The following KCNH4 variants were observed in gnomAD, a reference collection of about 807,000 sequenced individuals.
The protein encoded by KCNH4 is potassium voltage-gated channel subfamily H member 4, also known as voltage-gated delayed rectifier potassium channel KCNH4.
A neutral mutation model predicts 90.7 loss-of-function variants in KCNH4; 33 were observed. The observed-to-expected ratio is 0.36, with a 90% CI of 0.28 to 0.49. KCNH4 has a LOEUF of 0.49. KCNH4 is among the 20% of genes least tolerant of loss of function. KCNH4 has a pLI of 0.98. For synonymous variants in KCNH4, 551 were observed against 581.7 expected (o/e 0.95, Z 0.76); for missense variants, 1,044 against 1,387.1 (o/e 0.75, Z 3.93).
chr17:42,161,063 A>G (rs2079744382), intron 15 of KCNH4, among the ~76,000 whole-genome samples: 1 of 151,134 alleles, frequency 6.6e-6, no homozygotes, highest in Admixed American at 6.6e-5. Flanking sequence ...AGTAGCCGAG[A>G]CTATAGGTGT....
At chr17:42,172,554 C>T (rs920758789) in intron 6 of KCNH4, among the ~76,000 whole-genome samples, 1 of 150,922 alleles carries the variant, frequency 6.6e-6, no homozygotes, top group African/African-American at 2.4e-5. Context: ...CACACACACA[C>T]ACACACACAC....
intron 5 of KCNH4, 29 bp from the exon 6 acceptor site, chr17:42,175,765 G>A: frequency 1.2e-6 from 2 of 1,612,972 alleles, no homozygotes; most frequent in African/African-American, 1.3e-5. Flanking sequence ...ATTACTGGGG[G>A]GCCTTGGCAA....
intron 2 of KCNH4, 117 bp downstream of exon 2, chr17:42,178,676 G>T: frequency 2.6e-6 from 3 of 1,138,532 alleles, no homozygotes; most frequent in South Asian, 1.5e-5. Flanking sequence ...GATACGCTCC[G>T]TCACAGTCAG....
intron 4 of KCNH4, among the ~76,000 whole-genome samples, chr17:42,177,194 C>T (rs2079868053): frequency 6.6e-6 from 1 of 152,080 alleles, no homozygotes; most frequent in Non-Finnish European, 1.5e-5. Flanking sequence ...GGATTACAGG[C>T]ATGTGCCACC....
intron 8 of KCNH4, 29 bp from the exon 9 acceptor site, chr17:42,169,705 G>A (rs1223550824): frequency 6.2e-7 from 1 of 1,607,530 alleles, no homozygotes; most frequent in Non-Finnish European, 8.5e-7. Context: ...GCCTGTCAGG[G>A]GCGGCCACCC....
Position 42,181,130 on chromosome 17 carries a change from C to G in KCNH4, c.-185G>C. The G allele has an allele frequency of 1.8e-6, 1 of 559,072 alleles. No individual in the cohort carries two copies. Among genetic ancestry groups the G allele is most frequent in the South Asian group, 2.2e-5 (1 of 45,010 alleles). 34.6% of individuals were successfully genotyped at this position (559,072 alleles called of 1,614,324 possible). On this transcript the variant is annotated 5_prime_UTR_variant, in exon 1 of 17. Transcript: ENST00000264661. Reference sequence around the variant, plus strand: ...CCCCGTAGCTCTCGGCTCGGCTCAGCGCCGTTTCGGTCCCCCCCACCTCCC... The same window carrying G: ...CCCCGTAGCTCTCGGCTCGGCTCAGGGCCGTTTCGGTCCCCCCCACCTCCC...
Position 42,175,573 on chromosome 17 carries a change from A to C in KCNH4, c.987+6T>G. The C allele has an allele frequency of 6.2e-7, 1 of 1,614,132 alleles. No individual in the cohort carries two copies. On this transcript the variant is annotated splice_donor_region_variant and intron_variant, in intron 6 of 16. Coordinates refer to ENST00000264661, the MANE Select transcript of KCNH4 (RefSeq NM_012285.3). ...TGGACTGGATGGCGGGATGGAGGTC[A>C]CTCACCACGGTGATGTTGAAGATGT... is the stretch of plus-strand genomic sequence containing the variant.
At position 42,173,693 on chromosome 17, in the gene KCNH4, C is replaced by CTTTTTTTTTTTTT. The variant is rs532100884; in HGVS notation, c.988-1711_988-1699dup. Among the ~76,000 whole-genome samples the CTTTTTTTTTTTTT allele has an allele frequency of 3.0e-5, 2 of 66,266 alleles. 1 individual carries two copies. The highest frequency in any genetic ancestry group is 1.3e-4 in the African/African-American group (2 of 14,970). The allele number at this position is 66,266 out of a possible 152,430, so 43.5% of individuals were successfully genotyped here. ...AGACTGGAAGTTTAGCGATCTGGTT[C>CTTTTTTTTTTTTT]TTTTTTTTTTTTTTTTTTTTTTTTT... On this transcript the variant is annotated intron_variant, in intron 6 of 16. Transcript: ENST00000264661.
chr17:42,175,686 T>C lies in KCNH4; in HGVS notation c.880A>G (p.Ile294Val), dbSNP rs199704070. The change falls in exon 6 of 17, where the codon ATC (isoleucine) becomes GTC (valine). Residue 294 changes from isoleucine (I) to valine (V), a missense_variant. By Grantham distance (29) the Ile-to-Val change is conservative. Transcript: ENST00000264661. ...AGGCCAATGGAACGAGGAGCAGAGA[T>C]TACCTGGCCGGACTGGGACACATAG... ...TTYVSQSGQV[I>V]SAPRSIGLHY... is the part of the protein sequence containing the mutation. 6.2e-6 allele frequency: 10 copies of C among 1,613,986 alleles called. No individual in the cohort carries two copies. Among genetic ancestry groups the C allele is most frequent in the Admixed American group, 3.3e-5 (2 of 60,006 alleles).
At chr17:42,170,347 G>C in intron 7 of KCNH4, 46 bp from the exon 8 acceptor site, 1 of 1,510,874 alleles carries the variant, frequency 6.6e-7, no homozygotes, top group South Asian at 1.2e-5. Flanking sequence ...GCCAGCGGTG[G>C]AGAACCAGGG....
intron 4 of KCNH4, among the ~76,000 whole-genome samples, chr17:42,177,291 C>A (rs999066064): frequency 6.6e-6 from 1 of 152,148 alleles, no homozygotes; most frequent in Non-Finnish European, 1.5e-5. Context: ...TCAGGTGATC[C>A]GCCTGCCTCA....
chr17:42,158,704 G>A lies in KCNH4; in HGVS notation c.*309+1027C>T, dbSNP rs186357704. Among the ~76,000 whole-genome samples the A allele has an allele frequency of 0.011, 1,567 of 138,468 alleles. 61 individuals are homozygous for A. The East Asian group carries it at 0.14, about 13-fold the overall frequency. The allele number at this position is 138,468 out of a possible 152,430, so 90.8% of individuals were successfully genotyped here. A position where few individuals can be genotyped will look rare whatever the true frequency, so the allele number is the denominator to read the frequency against. On this transcript the variant is annotated intron_variant, in intron 16 of 16. Transcript: ENST00000264661. Reference sequence around the variant, plus strand: ...CAAAAAATTAGCCGGGTGTGGTGGCGGGCGCCTGTAGTCCCAGCTACTTGG... The same window carrying A: ...CAAAAAATTAGCCGGGTGTGGTGGCAGGCGCCTGTAGTCCCAGCTACTTGG...
chr17:42,177,931 T>C (rs2079873425), intron 4 of KCNH4, among the ~76,000 whole-genome samples, 169 bp downstream of exon 4: 1 of 151,966 alleles, frequency 6.6e-6, no homozygotes, highest in Non-Finnish European at 1.5e-5. Flanking sequence ...TGGGGGAGGA[T>C]ATAGGATGGA....
chr17:42,170,716 G>C (rs2079821293), intron 7 of KCNH4, among the ~76,000 whole-genome samples: 1 of 152,226 alleles, frequency 6.6e-6, no homozygotes, highest in Admixed American at 6.5e-5. Flanking sequence ...AACAGGTTAG[G>C]GAAAGCCAAC....
chr17:42,170,087 C>T lies in KCNH4; in HGVS notation c.1390+20G>A, dbSNP rs757348992. On this transcript the variant is annotated intron_variant, in intron 8 of 16. Transcript: ENST00000264661. ...TGGGCTTCGCAGGGCCCCACTGAGG[C>T]GTGGCAGGTCTGGCCTCACCGCCTA... is the stretch of plus-strand genomic sequence containing the variant. 24 of 1,571,964 alleles carry T rather than the reference C, an allele frequency of 1.5e-5. No homozygotes were observed. Among genetic ancestry groups the T allele is most frequent in the Admixed American group, 9.1e-5 (5 of 54,780 alleles).
In KCNH4 at chr17:42,178,311, C is replaced by A; in HGVS notation, c.457+20G>T. ...GAAGGCTTCTGACCATTCACACTGC[C>A]CGTCCGGACTTGCTGTTACCGTGAT... On this transcript the variant is annotated intron_variant, in intron 3 of 16. Transcript: ENST00000264661. 6.2e-7 allele frequency: 1 copy of A among 1,614,140 alleles called. No individual in the cohort carries two copies. The highest frequency in any genetic ancestry group is 8.5e-7 in the Non-Finnish European group (1 of 1,179,964).
In KCNH4 at chr17:42,178,717, C is replaced by T. The variant is rs1010506236; in HGVS notation, c.310+76G>A. On this transcript the variant is annotated intron_variant, in intron 2 of 16. Transcript: ENST00000264661. ...GGCAGTGTGGGGACAAGCACTCAGA[C>T]TCCTACTGTGCCCAGTGCCCTCTGG... is the stretch of plus-strand genomic sequence containing the variant. 6 of 1,338,734 alleles carry T rather than the reference C, an allele frequency of 4.5e-6. No individual in the cohort carries two copies. The Middle Eastern group carries it at 1.2e-3, about 266-fold the overall frequency. 82.9% of individuals were successfully genotyped at this position (1,338,734 alleles called of 1,614,324 possible). A position where few individuals can be genotyped will look rare whatever the true frequency, so the allele number is the denominator to read the frequency against.
Position 42,171,827 on chromosome 17 carries a change from G to A in KCNH4, c.1156C>T (p.Arg386Trp), listed in dbSNP as rs1568036010. 5 of 1,614,112 alleles carry A rather than the reference G, an allele frequency of 3.1e-6. No individual in the cohort carries two copies. Among genetic ancestry groups the A allele is most frequent in the Non-Finnish European group, 4.2e-6 (5 of 1,180,018 alleles). ...AGCGGGTCATTGGCCTCCATCTCCC[G>A]GCGCCCGATGACATACCAGATGCAG... ...MACIWYVIGRREMEANDPLLW... is the reference protein window; with the variant it reads ...MACIWYVIGRWEMEANDPLLW... The change falls in exon 7 of 17, where the codon CGG becomes TGG. Residue 386 changes from arginine (R) to tryptophan (W), a missense_variant. By Grantham distance (101) the Arg-to-Trp change is moderately radical (BLOSUM62 -3). Coordinates refer to ENST00000264661, the MANE Select transcript of KCNH4 (RefSeq NM_012285.3).
chr17:42,170,015 C>T (rs969087573), intron 8 of KCNH4, 92 bp downstream of exon 8: 4 of 1,315,594 alleles, frequency 3.0e-6, no homozygotes, highest in East Asian at 2.4e-5. Flanking sequence ...GTAGACACCT[C>T]GGGCAGATGT....
Sources: allele counts gnomAD v4.1 joint callset (sites outside exome capture counted in the v4.1 genomes callset), GRCh38; gene constraint gnomAD v4.1.1; transcripts MANE v1.5; gene names NCBI Gene and HGNC (gene_info 2026-07-23, HGNC 2026-07-21).